The following PIAS2 variants were observed in gnomAD, a reference collection of about 807,000 sequenced individuals.
The protein encoded by PIAS2 is protein inhibitor of activated STAT 2.
Under a neutral mutation model 69.7 loss-of-function variants are expected in PIAS2, and 19 were observed. The observed-to-expected ratio is 0.27, with a 90% CI of 0.19 to 0.40. PIAS2 has a LOEUF of 0.40. Ranked by LOEUF, PIAS2 falls within the 10% of genes least tolerant of loss-of-function variation. The pLI, the probability that PIAS2 is intolerant of heterozygous loss-of-function variation, is 1.00. For synonymous variants in PIAS2, 261 were observed against 263.2 expected (o/e 0.99, Z 0.08); for missense variants, 624 against 757.0 (o/e 0.82, Z 2.06).
At chr18:46,876,688 C>T (rs1598715607) in intron 2 of PIAS2, among the ~76,000 whole-genome samples, 2 of 143,462 alleles carry the variant, frequency 1.4e-5, no homozygotes, top group East Asian at 4.0e-4. Context: ...ATAAATGATC[C>T]CTTTACTAAT....
At chr18:46,865,891 G>T (rs1328904341) in intron 2 of PIAS2, among the ~76,000 whole-genome samples, 1 of 152,176 alleles carries the variant, frequency 6.6e-6, no homozygotes, top group East Asian at 1.9e-4. Flanking sequence ...CATTTCTCCA[G>T]TTCCTATTCA....
chr18:46,819,637 G>A (rs1337562850), intron 12 of PIAS2, among the ~76,000 whole-genome samples: 2 of 151,716 alleles, frequency 1.3e-5, no homozygotes. Context: ...CCTCACTAAG[G>A]GGAGAAAAAA....
chr18:46,905,495 A>G (rs1293597444), intron 1 of PIAS2, among the ~76,000 whole-genome samples: 2 of 152,126 alleles, frequency 1.3e-5, no homozygotes, highest in African/African-American at 4.8e-5. Context: ...GCAAAAATTA[A>G]TGAAACAGGA....
In PIAS2 at chr18:46,917,423, GGCC is replaced by G. The variant is rs1036211033; in HGVS notation, c.-81_-79del. 12 of 1,365,396 alleles carry G rather than the reference GGCC, an allele frequency of 8.8e-6. No homozygotes were observed. The highest frequency in any genetic ancestry group is 7.7e-5 in the Admixed American group (2 of 25,898). 84.6% of individuals were successfully genotyped at this position (1,365,396 alleles called of 1,614,324 possible). On this transcript the variant is annotated 5_prime_UTR_variant, in exon 1 of 14. Transcript: ENST00000585916. The stretch of plus-strand genomic sequence containing the variant: ...CCGCCAACGACGCTGCCGCCACCAC[GGCC>G]GCCGCCGCCTCCAGCACCATCCTGC...
chr18:46,895,952 C>T (rs1421034768), intron 1 of PIAS2, among the ~76,000 whole-genome samples: 2 of 151,732 alleles, frequency 1.3e-5, no homozygotes, highest in Non-Finnish European at 2.9e-5. Flanking sequence ...ATTACAATAA[C>T]TCCTAGGTTA....
intron 3 of PIAS2, among the ~76,000 whole-genome samples, chr18:46,862,851 G>A (rs1214924948): frequency 5.3e-5 from 8 of 151,974 alleles, no homozygotes; most frequent in Admixed American, 4.6e-4. Flanking sequence ...GATTACAGGC[G>A]CCCGCCACCA....
chr18:46,909,131 C>T (rs889064745), intron 1 of PIAS2, among the ~76,000 whole-genome samples: 5 of 151,938 alleles, frequency 3.3e-5, no homozygotes, highest in Non-Finnish European at 7.4e-5. Flanking sequence ...AAAACTAGTA[C>T]AAACATGGGC....
At chr18:46,912,401 C>A (rs2057368658) in intron 1 of PIAS2, among the ~76,000 whole-genome samples, 1 of 152,146 alleles carries the variant, frequency 6.6e-6, no homozygotes, top group South Asian at 2.1e-4. Context: ...TTAGGAAATA[C>A]TGACAAGGAA....
At chr18:46,833,748 T>C (rs1471064055) in intron 9 of PIAS2, among the ~76,000 whole-genome samples, 3 of 152,224 alleles carry the variant, frequency 2.0e-5, no homozygotes, top group African/African-American at 7.2e-5. Flanking sequence ...TAGTTTCGTA[T>C]TGGCCCAGTA....
chr18:46,850,247 T>C (rs2046768179), intron 5 of PIAS2, among the ~76,000 whole-genome samples: 1 of 152,188 alleles, frequency 6.6e-6, no homozygotes. Context: ...TTTTCTATTT[T>C]CTCCAGATGT....
At position 46,891,033 on chromosome 18, in the gene PIAS2, C is replaced by T. The variant is rs1297878184; in HGVS notation, c.46G>A (p.Val16Ile). ...ELRNMVSSFR[V>I]SELQVLLGFA... ...CCTAGTAATACTTGTAGTTCAGAAACCCTAAAACTAGAAACCATATTCTAA... is the reference window on the plus strand; with the variant it reads ...CCTAGTAATACTTGTAGTTCAGAAATCCTAAAACTAGAAACCATATTCTAA... The change falls in exon 2 of 14, where the codon GTT becomes ATT. Residue 16 changes from valine (V) to isoleucine (I), a missense_variant. Transcript: ENST00000585916. The T allele has an allele frequency of 1.3e-6, 2 of 1,590,828 alleles. No individual in the cohort carries two copies. Among genetic ancestry groups the T allele is most frequent in the Admixed American group, 1.8e-5 (1 of 55,068 alleles).
rs1568304221 is a variant in PIAS2 at position 46,803,554 on chromosome 18, GAT to G, written c.*8877_*8878del. On this transcript the variant is annotated 3_prime_UTR_variant, in exon 14 of 14. Coordinates refer to ENST00000585916, the MANE Select transcript of PIAS2 (RefSeq NM_004671.5). The stretch of plus-strand genomic sequence containing the variant: ...AGTGCTACTACCCATCAATTGGTAG[GAT>G]ATGTCTATAGCTTGTCAAATAGCAG... 6.6e-6 allele frequency: 1 copy of G among 152,148 alleles called. No individual in the cohort carries two copies. The highest frequency in any genetic ancestry group is 1.5e-5 in the Non-Finnish European group (1 of 68,044). The allele number at this position is 152,148 out of a possible 1,614,324, so 9.4% of individuals were successfully genotyped here. A position where few individuals can be genotyped will look rare whatever the true frequency, so the allele number is the denominator to read the frequency against.
chr18:46,833,744 C>T (rs770406157), intron 9 of PIAS2, among the ~76,000 whole-genome samples: 2 of 152,156 alleles, frequency 1.3e-5, no homozygotes, highest in African/African-American at 4.8e-5. Context: ...AAAATAGTTT[C>T]GTATTGGCCC....
At chr18:46,823,510 CCTGT>C (rs1438563243) in intron 11 of PIAS2, among the ~76,000 whole-genome samples, 4 of 152,194 alleles carry the variant, frequency 2.6e-5, no homozygotes, top group Non-Finnish European at 4.4e-5. Flanking sequence ...TACCTACACA[CCTGT>C]CTGTCACTAC....
At chr18:46,884,653 C>T (rs995514929) in intron 2 of PIAS2, among the ~76,000 whole-genome samples, 2 of 152,128 alleles carry the variant, frequency 1.3e-5, no homozygotes, top group South Asian at 2.1e-4. Flanking sequence ...CCGTGGCTCA[C>T]GCCTGTAATC....
chr18:46,806,727 C>A lies in PIAS2; in HGVS notation c.*5706G>T, dbSNP rs2040706508. 2 of 152,164 alleles carry A rather than the reference C, an allele frequency of 1.3e-5. No homozygotes were observed. The highest frequency in any genetic ancestry group is 2.1e-4 in the South Asian group (1 of 4,828). The allele number at this position is 152,164 out of a possible 1,614,324, so 9.4% of individuals were successfully genotyped here. A position where few individuals can be genotyped will look rare whatever the true frequency, so the allele number is the denominator to read the frequency against. ...CTGGAACCAAAACTTCTGTAACACT[C>A]TATTCCACGTGTACTTACAAAACAC... On this transcript the variant is annotated 3_prime_UTR_variant, in exon 14 of 14. Coordinates refer to ENST00000585916, the MANE Select transcript of PIAS2 (RefSeq NM_004671.5).
intron 7 of PIAS2, 51 bp from the exon 8 acceptor site, chr18:46,844,178 G>T: frequency 1.1e-6 from 1 of 918,618 alleles, no homozygotes; most frequent in Non-Finnish European, 1.6e-6. Flanking sequence ...GGGTGACAAA[G>T]AAATGGAATT....
intron 12 of PIAS2, chr18:46,818,538 T>C (rs1412650437): frequency 3.7e-6 from 4 of 1,087,036 alleles, no homozygotes; most frequent in Non-Finnish European, 3.6e-6. Context: ...CTTGGTGTTC[T>C]ATTTAATATT....
At chr18:46,818,295 G>A (rs2041784417) in intron 12 of PIAS2, 4 of 1,378,008 alleles carry the variant, frequency 2.9e-6, no homozygotes, top group Non-Finnish European at 2.8e-6. Flanking sequence ...TATGGCACTA[G>A]CAATAATAAG....
Sources: gnomAD v4.1 joint callset for allele counts (sites outside exome capture counted in the v4.1 genomes callset) on GRCh38, gnomAD v4.1.1 for gene constraint, MANE v1.5 for transcripts, NCBI Gene and HGNC (gene_info 2026-07-23, HGNC 2026-07-21) for gene names.